Variants in PDSS1 observed in about 807,000 individuals in gnomAD.
The protein encoded by PDSS1 is decaprenyl diphosphate synthase subunit 1, also known as all trans-polyprenyl-diphosphate synthase PDSS1.
In PDSS1, 43 loss-of-function variants were observed where a neutral mutation model predicts 57.5. The ratio of observed to expected loss-of-function variants is 0.75; its 90% CI spans 0.59 to 0.96. PDSS1 has a LOEUF of 0.96. Among genes scored for constraint, PDSS1 ranks in the 50% least tolerant of loss-of-function variants. The probability of loss-of-function intolerance (pLI) is 0.00; values close to 1 mark genes in which losing one functional copy is unlikely to be tolerated. For synonymous variants in PDSS1, 175 were observed against 191.3 expected, an observed-to-expected ratio of 0.91 and a Z score of 0.70; for missense variants, 438 against 527.8, an observed-to-expected ratio of 0.83 and a Z score of 1.67.
intron 6 of PDSS1, 109 bp downstream of exon 6, chr10:26,720,468 T>C (rs1835748595): frequency 2.5e-6 from 2 of 794,114 alleles, no homozygotes; most frequent in Non-Finnish European, 4.5e-6. Context: ...TCAAATGTAA[T>C]GTGGTCTTCT....
intron 6 of PDSS1, among the ~76,000 whole-genome samples, chr10:26,722,051 C>T (rs1345794171): frequency 1.3e-5 from 2 of 152,192 alleles, no homozygotes; most frequent in Non-Finnish European, 2.9e-5. Context: ...CCACCCCTGG[C>T]CGTCACAGTC....
intron 4 of PDSS1, among the ~76,000 whole-genome samples, chr10:26,708,019 G>C (rs1042721381): frequency 6.6e-6 from 1 of 152,168 alleles, no homozygotes; most frequent in Admixed American, 6.5e-5. Context: ...TCTCCTCCCT[G>C]TCTCAGCTTC....
chr10:26,707,848 C>T (rs939963219), intron 4 of PDSS1, among the ~76,000 whole-genome samples: 18 of 152,340 alleles, frequency 1.2e-4, no homozygotes, highest in African/African-American at 3.6e-4. Flanking sequence ...TTTTCCCCCA[C>T]GAGTTGTTTG....
chr10:26,714,211 C>T (rs913794184), intron 5 of PDSS1, among the ~76,000 whole-genome samples: 54 of 152,246 alleles, frequency 3.5e-4, no homozygotes, highest in African/African-American at 1.3e-3. Flanking sequence ...CAGTGGCTCA[C>T]GCCTGTAATC....
chr10:26,717,046 C>G (rs1202800213), intron 5 of PDSS1, among the ~76,000 whole-genome samples: 1 of 152,052 alleles, frequency 6.6e-6, no homozygotes, highest in Non-Finnish European at 1.5e-5. Context: ...GCAGCATTTC[C>G]CAGATGTAAG....
At chr10:26,736,689 G>A (rs1380926210) in intron 10 of PDSS1, among the ~76,000 whole-genome samples, 1 of 152,128 alleles carries the variant, frequency 6.6e-6, no homozygotes, top group Admixed American at 6.5e-5. Flanking sequence ...AGCTTGCTAA[G>A]GCTATGAATG....
chr10:26,724,566 T>C (rs969720479), intron 8 of PDSS1, among the ~76,000 whole-genome samples: 3 of 152,094 alleles, frequency 2.0e-5, no homozygotes, highest in Admixed American at 1.3e-4. Flanking sequence ...TGAACTTTTT[T>C]TTGTTTTTTT....
rs374916343 is a variant in PDSS1 at position 26,709,716 on chromosome 10, A to G, written c.415A>G (p.Ile139Val). The change falls in exon 5 of 12, where the codon ATT becomes GTT. Residue 139 changes from isoleucine (I) to valine (V), a missense_variant. Physicochemically the swap from Ile to Val is conservative, Grantham distance 29. This residue lies in a region of PDSS1 where 284 missense variants were observed against 390.7 expected (regional missense o/e 0.73). Coordinates refer to ENST00000376215, the MANE Select transcript of PDSS1 (RefSeq NM_014317.5). The stretch of plus-strand genomic sequence containing the variant: ...TGGGAAAGGGAAAGCCTTTCGACCA[A>G]TTATTGTGGCGCTAATGGCCCGAGC... ...FDGKGKAFRPIIVALMARACN... is the reference protein window; with the variant it reads ...FDGKGKAFRPVIVALMARACN... 14 of 1,614,018 alleles carry G rather than the reference A, an allele frequency of 8.7e-6. No homozygotes were observed. The highest frequency in any genetic ancestry group is 1.1e-5 in the Non-Finnish European group (13 of 1,179,888).
chr10:26,708,250 C>G (rs1216058844), intron 4 of PDSS1, among the ~76,000 whole-genome samples: 1 of 152,164 alleles, frequency 6.6e-6, no homozygotes, highest in African/African-American at 2.4e-5. Flanking sequence ...TCACCTGTGC[C>G]GAGCTGAGGT....
chr10:26,722,898 CT>C (rs751637147), intron 6 of PDSS1, among the ~76,000 whole-genome samples: 189 of 143,354 alleles, frequency 1.3e-3, no homozygotes, highest in South Asian at 4.5e-3. Context: ...AATGGAAAAA[CT>C]TTTTTTTTTT....
At chr10:26,727,571 C>T (rs1419759586) in intron 8 of PDSS1, among the ~76,000 whole-genome samples, 3 of 151,278 alleles carry the variant, frequency 2.0e-5, no homozygotes, top group Admixed American at 1.3e-4. Context: ...TCTCAGCTCA[C>T]TGCAACCTCC....
chr10:26,745,476 AGGCGGCACATTGTGGGTG>A (rs1172955875), intron 11 of PDSS1, among the ~76,000 whole-genome samples: 1 of 152,216 alleles, frequency 6.6e-6, no homozygotes, highest in African/African-American at 2.4e-5. Flanking sequence ...TGTGATGATG[AGGCGGCACATTGTGGGTG>A]GGCTAAACCC....
chr10:26,712,362 T>C (rs1237295137), intron 5 of PDSS1, among the ~76,000 whole-genome samples: 1 of 99,876 alleles, frequency 1.0e-5, no homozygotes, highest in African/African-American at 3.2e-5. Flanking sequence ...GCAGAAAACA[T>C]AGGAGAATAT....
At chr10:26,721,423 TACACACACAC>T (rs1554795596) in intron 6 of PDSS1, among the ~76,000 whole-genome samples, 13 of 149,368 alleles carry the variant, frequency 8.7e-5, no homozygotes, top group South Asian at 6.4e-4. Context: ...GATATATGTA[TACACACACAC>T]ACACACACAC....
chr10:26,704,006 T>C (rs2477294), intron 2 of PDSS1, among the ~76,000 whole-genome samples: 105,313 of 147,196 alleles, frequency 0.72, 37,840 homozygotes, highest in East Asian at 0.97. Context: ...GCGTGAACCC[T>C]GGGGGGCGGA....
chr10:26,742,381 AGTTTC>A (rs1216847402), intron 10 of PDSS1, 111 bp from the exon 11 acceptor site: 4 of 773,300 alleles, frequency 5.2e-6, no homozygotes, highest in African/African-American at 3.4e-5. Flanking sequence ...CTAGACACTT[AGTTTC>A]ATTTTTGTTG....
chr10:26,739,215 A>G (rs959318915), intron 10 of PDSS1, among the ~76,000 whole-genome samples: 1 of 152,134 alleles, frequency 6.6e-6, no homozygotes, highest in African/African-American at 2.4e-5. Flanking sequence ...GGGTAGACTC[A>G]TACTCATCAC....
chr10:26,709,582 T>C, intron 4 of PDSS1, 56 bp from the exon 5 acceptor site: 1 of 1,573,712 alleles, frequency 6.4e-7, no homozygotes, highest in Admixed American at 1.7e-5. Context: ...AGAAATCCTG[T>C]TGGCTTTCTG....
intron 11 of PDSS1, among the ~76,000 whole-genome samples, 193 bp downstream of exon 11, chr10:26,742,770 T>TA (rs1836674215): frequency 6.6e-6 from 1 of 152,062 alleles, no homozygotes; most frequent in Admixed American, 6.6e-5. Context: ...CTAGACTACT[T>TA]ACGAAATGTT....
Sources: allele counts gnomAD v4.1 joint callset (sites outside exome capture counted in the v4.1 genomes callset), GRCh38; gene constraint gnomAD v4.1.1; regional missense constraint gnomAD v4.1.1; transcripts MANE v1.5; gene names NCBI Gene and HGNC (gene_info 2026-07-23, HGNC 2026-07-21).